Variants in NCKAP5 observed in about 807,000 individuals in gnomAD.
NCKAP5 encodes NCK associated protein 5, also known as nck-associated protein 5.
A neutral mutation model predicts 167.0 loss-of-function variants in NCKAP5; 92 were observed. The observed-to-expected ratio is 0.55, with a 90% CI of 0.47 to 0.66. The LOEUF (loss-of-function observed/expected upper bound fraction) is 0.66, where lower values mean the gene tolerates loss of function less well. Ranked by LOEUF, NCKAP5 falls within the 30% of genes least tolerant of loss-of-function variation. The pLI is 0.00. For missense variants in NCKAP5, 2,378 were observed against 2,315.0 expected, an observed-to-expected ratio of 1.03 and a Z score of -0.56; for synonymous variants, 891 against 877.4, an observed-to-expected ratio of 1.02 and a Z score of -0.27.
At chr2:133,404,549 T>C (rs1688305768) in intron 3 of NCKAP5, among the ~76,000 whole-genome samples, 1 of 152,224 alleles carries the variant, frequency 6.6e-6, no homozygotes, top group African/African-American at 2.4e-5. Flanking sequence ...ATGAATGTGG[T>C]CTCTCATTTA....
At chr2:133,529,569 C>T (rs1575111361) in intron 2 of NCKAP5, among the ~76,000 whole-genome samples, 1 of 152,118 alleles carries the variant, frequency 6.6e-6, no homozygotes, top group Non-Finnish European at 1.5e-5. Flanking sequence ...GTGAGTTTCT[C>T]TATAAAGCAT....
At chr2:133,205,784 T>G (rs115348962) in intron 5 of NCKAP5, among the ~76,000 whole-genome samples, 7,977 of 152,162 alleles carry the variant, frequency 0.052, 654 homozygotes, top group African/African-American at 0.18. Context: ...TTTATATCCA[T>G]TAATAATTTT....
At chr2:133,565,666 G>A (rs1688495084) in intron 1 of NCKAP5, among the ~76,000 whole-genome samples, 1 of 152,158 alleles carries the variant, frequency 6.6e-6, no homozygotes, top group Non-Finnish European at 1.5e-5. Context: ...AGAGTGAAAT[G>A]AGCCAGGAAA....
At chr2:132,737,859 T>C (rs1691666774) in intron 16 of NCKAP5, among the ~76,000 whole-genome samples, 1 of 152,160 alleles carries the variant, frequency 6.6e-6, no homozygotes, top group Non-Finnish European at 1.5e-5. Flanking sequence ...TCTCCTCCAT[T>C]CTCCCATATA....
chr2:133,136,285 G>A (rs1369863027), intron 5 of NCKAP5, among the ~76,000 whole-genome samples: 1 of 152,116 alleles, frequency 6.6e-6, no homozygotes, highest in Non-Finnish European at 1.5e-5. Flanking sequence ...AATTATAGTT[G>A]GTGATTCTCA....
intron 3 of NCKAP5, among the ~76,000 whole-genome samples, chr2:133,464,506 G>A (rs546557753): frequency 3.9e-5 from 6 of 152,200 alleles, no homozygotes; most frequent in Admixed American, 2.6e-4. Context: ...CGGCTAACAC[G>A]GTGAAACCCA....
chr2:133,265,898 C>T (rs896789626), intron 4 of NCKAP5, among the ~76,000 whole-genome samples: 2 of 152,152 alleles, frequency 1.3e-5, no homozygotes, highest in Non-Finnish European at 2.9e-5. Context: ...TCCAGTGGCC[C>T]CTAGACACTG....
chr2:133,479,615 A>G (rs1187627679), intron 3 of NCKAP5, among the ~76,000 whole-genome samples: 1 of 152,246 alleles, frequency 6.6e-6, no homozygotes, highest in African/African-American at 2.4e-5. Flanking sequence ...TACTTCATAA[A>G]TATGTACAAA....
Position 133,130,033 on chromosome 2 carries a change from G to C in NCKAP5, c.286C>G (p.Leu96Val), listed in dbSNP as rs1473323220. ...QSEKRLQEVTLESERNRIQMR... is the reference protein window; with the variant it reads ...QSEKRLQEVTVESERNRIQMR... ...TGAATTCTGTTGCGTTCAGACTCTA[G>C]GGTCACCTCCTGCAACCGCTTCTCG... Residue 96 changes from leucine to valine, a missense_variant, in exon 6 of 20, where the codon CTA (leucine) becomes GTA (valine). By Grantham distance (32) the Leu-to-Val change is conservative (BLOSUM62 1). This residue lies in a region of NCKAP5 where 1,049 missense variants were observed against 1,023.4 expected (regional missense o/e 1.02). Coordinates refer to ENST00000409261, the MANE Select transcript of NCKAP5 (RefSeq NM_207363.3). 4 of 1,611,452 alleles carry C rather than the reference G, an allele frequency of 2.5e-6. No homozygotes were observed. Among genetic ancestry groups the C allele is most frequent in the Non-Finnish European group, 3.4e-6 (4 of 1,178,998 alleles).
At chr2:133,172,542 G>T (rs1422268679) in intron 5 of NCKAP5, among the ~76,000 whole-genome samples, 1 of 152,186 alleles carries the variant, frequency 6.6e-6, no homozygotes, top group Non-Finnish European at 1.5e-5. Context: ...CACGATCTTA[G>T]CTCACTGCAA....
At chr2:133,089,767 C>A (rs1251492465) in intron 6 of NCKAP5, among the ~76,000 whole-genome samples, 1 of 152,154 alleles carries the variant, frequency 6.6e-6, no homozygotes, top group Non-Finnish European at 1.5e-5. Context: ...GCTAAAATAA[C>A]CATGGCTTTC....
In NCKAP5 at chr2:133,017,504, T is replaced by C. The variant is rs187250528; in HGVS notation, c.342-23265A>G. On this transcript the variant is annotated intron_variant, in intron 6 of 19. Coordinates refer to ENST00000409261, the MANE Select transcript of NCKAP5 (RefSeq NM_207363.3). ...AATGTGAAATATGCCATGATTATCA[T>C]TATTCAAACCCCTGTAATTCTCCAA... Among the ~76,000 whole-genome samples, 240 of 152,306 alleles carry C rather than the reference T, an allele frequency of 1.6e-3. 1 individual carries two copies. Among genetic ancestry groups the C allele is most frequent in the African/African-American group, 5.5e-3 (229 of 41,564 alleles).
chr2:132,766,429 T>C (rs766336239), intron 16 of NCKAP5, among the ~76,000 whole-genome samples: 22 of 152,090 alleles, frequency 1.4e-4, no homozygotes, highest in Non-Finnish European at 2.5e-4. Flanking sequence ...GAAATTTCTA[T>C]TCTTATTTAA....
intron 16 of NCKAP5, among the ~76,000 whole-genome samples, chr2:132,770,983 T>C (rs536816500): frequency 6.6e-6 from 1 of 152,328 alleles, no homozygotes; most frequent in South Asian, 2.1e-4. Flanking sequence ...TATAATGATG[T>C]ATAGTACAGA....
chr2:133,016,230 C>A (rs1425816670), intron 6 of NCKAP5, among the ~76,000 whole-genome samples: 1 of 152,150 alleles, frequency 6.6e-6, no homozygotes, highest in Non-Finnish European at 1.5e-5. Flanking sequence ...ATGCCAATGA[C>A]CCTGAGGCCC....
intron 6 of NCKAP5, among the ~76,000 whole-genome samples, chr2:133,120,399 C>T (rs1163374020): frequency 1.3e-5 from 2 of 152,246 alleles, no homozygotes; most frequent in East Asian, 3.9e-4. Context: ...TTACAGTTAG[C>T]ACTTAGACTT....
intron 16 of NCKAP5, among the ~76,000 whole-genome samples, chr2:132,740,843 T>C (rs1397287702): frequency 1.3e-5 from 2 of 151,822 alleles, no homozygotes; most frequent in Admixed American, 1.3e-4. Flanking sequence ...GAAATTAATA[T>C]GACAAACAAT....
At chr2:133,134,828 G>A (rs1018283882) in intron 5 of NCKAP5, among the ~76,000 whole-genome samples, 1 of 152,144 alleles carries the variant, frequency 6.6e-6, no homozygotes, top group African/African-American at 2.4e-5. Flanking sequence ...AATCATTAAA[G>A]TATCAAAAGG....
At chr2:132,987,516 T>C (rs1280247395) in intron 7 of NCKAP5, among the ~76,000 whole-genome samples, 1 of 152,224 alleles carries the variant, frequency 6.6e-6, no homozygotes, top group Non-Finnish European at 1.5e-5. Flanking sequence ...GTAATTATGA[T>C]GTTCAGTTAG....
Sources: allele counts gnomAD v4.1 joint callset (sites outside exome capture counted in the v4.1 genomes callset), GRCh38; gene constraint gnomAD v4.1.1; regional missense constraint gnomAD v4.1.1; transcripts MANE v1.5; gene names NCBI Gene and HGNC (gene_info 2026-07-23, HGNC 2026-07-21).